Variants in TNPO3 observed in about 807,000 individuals in gnomAD.
TNPO3 encodes transportin 3.
TNPO3 carries 65 observed loss-of-function variants against 122.8 expected under a neutral mutation model. The ratio of observed to expected loss-of-function variants is 0.53; its 90% CI spans 0.43 to 0.65. The LOEUF is 0.65. Among genes scored for constraint, TNPO3 ranks in the 30% least tolerant of loss-of-function variants. TNPO3 has a pLI of 0.00. For synonymous variants in TNPO3, 372 were observed against 411.2 expected, an observed-to-expected ratio of 0.90 and a Z score of 1.15; for missense variants, 850 against 1,136.7, an observed-to-expected ratio of 0.75 and a Z score of 3.63.
upstream of TNPO3, chr7:129,055,770 C>T (rs1809404086): frequency 5.2e-6 from 2 of 381,258 alleles, no homozygotes; most frequent in Non-Finnish European, 9.5e-6. Flanking sequence ...TCTAACAATT[C>T]ACAAAAGAAA....
At chr7:129,019,765 G>A (rs1317859655) in intron 1 of TNPO3, among the ~76,000 whole-genome samples, 2 of 151,980 alleles carry the variant, frequency 1.3e-5, no homozygotes, top group Admixed American at 6.6e-5. Flanking sequence ...AGACAGAGGC[G>A]GGCAGATCAC....
rs879028913 is a variant in TNPO3, at chr7:129,054,764, C to T, written c.7G>A (p.Gly3Arg). 4 of 1,614,070 alleles carry T rather than the reference C, an allele frequency of 2.5e-6. No homozygotes were observed. Among genetic ancestry groups the T allele is most frequent in the South Asian group, 2.2e-5 (2 of 91,088 alleles). The change falls in exon 1 of 23, where the codon GGA becomes AGA. Residue 3 changes from glycine (G) to arginine (R), a missense_variant. Physicochemically the swap from Gly to Arg is moderately radical, Grantham distance 125. Transcript: ENST00000265388. ME[G>R]AKPTLQLVYQ... ...ACGAGCTGCAATGTCGGCTTTGCTCCTTCCATGGTGGTGGCGGTAGTGGCG... is the reference window on the plus strand; with the variant it reads ...ACGAGCTGCAATGTCGGCTTTGCTCTTTCCATGGTGGTGGCGGTAGTGGCG...
chr7:129,043,161 G>A (rs1807594733), intron 1 of TNPO3, among the ~76,000 whole-genome samples: 1 of 152,064 alleles, frequency 6.6e-6, no homozygotes, highest in African/African-American at 2.4e-5. Context: ...AGCACCTTGG[G>A]AGGCCAAGGT....
chr7:128,973,735 CAAAAAAA>C (rs71162544), intron 18 of TNPO3, among the ~76,000 whole-genome samples: 4 of 5,272 alleles, frequency 7.6e-4, no homozygotes, highest in African/African-American at 3.4e-3. Context: ...GACTCCGTCT[CAAAAAAA>C]AAAAAAAAAA....
chr7:129,017,812 C>T (rs1804013992), intron 2 of TNPO3, 145 bp downstream of exon 2: 5 of 750,848 alleles, frequency 6.7e-6, no homozygotes, highest in East Asian at 2.7e-5. Context: ...TTAACAATTT[C>T]GTTTTCTATC....
Position 129,026,315 on chromosome 7 carries a change from T to C in TNPO3, c.121-8158A>G, listed in dbSNP as rs181285349. Among the ~76,000 whole-genome samples, 851 of 151,036 alleles carry C rather than the reference T, an allele frequency of 5.6e-3. 4 individuals are homozygous for C. The highest frequency in any genetic ancestry group is 0.017 in the Middle Eastern group (5 of 286). On this transcript the variant is annotated intron_variant, in intron 1 of 22. Transcript: ENST00000265388. Reference sequence around the variant, plus strand: ...CCAGGCAAACCAGTAATCTTAGAGGTAGAGATGCAAAACTGGTTAACTTGG... The same window carrying C: ...CCAGGCAAACCAGTAATCTTAGAGGCAGAGATGCAAAACTGGTTAACTTGG...
intron 2 of TNPO3, among the ~76,000 whole-genome samples, chr7:129,017,571 A>G (rs1482465058): frequency 1.3e-5 from 2 of 152,210 alleles, no homozygotes; most frequent in Non-Finnish European, 2.9e-5. Context: ...AGAAGTTTCC[A>G]GTTTTCCTAT....
intron 21 of TNPO3, among the ~76,000 whole-genome samples, chr7:128,960,297 C>CT (rs1349932397): frequency 6.6e-6 from 1 of 151,846 alleles, no homozygotes; most frequent in Non-Finnish European, 1.5e-5. Context: ...CTATACTACA[C>CT]TTTTTATCAT....
At chr7:128,997,152 C>A (rs557234888) in intron 8 of TNPO3, among the ~76,000 whole-genome samples, 2 of 152,238 alleles carry the variant, frequency 1.3e-5, no homozygotes, top group Non-Finnish European at 2.9e-5. Flanking sequence ...GCCACCAGGC[C>A]CAGCTAATTT....
chr7:128,971,831 T>A (rs867415773), intron 19 of TNPO3, among the ~76,000 whole-genome samples: 47 of 152,330 alleles, frequency 3.1e-4, no homozygotes, highest in Admixed American at 1.7e-3. Flanking sequence ...ATAAAGTTAT[T>A]CCAACTCTTT....
Position 129,018,003 on chromosome 7 carries a change from G to T in TNPO3, c.275C>A (p.Thr92Asn). 6.2e-7 allele frequency: 1 copy of T among 1,614,124 alleles called. No homozygotes were observed. The highest frequency in any genetic ancestry group is 1.1e-5 in the South Asian group (1 of 91,084). ...SHASLRDSLL[T>N]HIQNLKDLSP... ...CAAGTCTTTCAAGTTCTGGATATGG[G>T]TTAGCAATGAGTCCCGTAAAGAGGC... Residue 92 changes from threonine (T) to asparagine (N), a missense_variant, in exon 2 of 23, where the codon ACC (threonine) becomes AAC (asparagine). Coordinates refer to ENST00000265388, the MANE Select transcript of TNPO3 (RefSeq NM_012470.4).
chr7:128,971,610 T>C (rs1168748169), intron 19 of TNPO3, among the ~76,000 whole-genome samples: 1 of 152,236 alleles, frequency 6.6e-6, no homozygotes, highest in Non-Finnish European at 1.5e-5. Flanking sequence ...TGCTCTCCCC[T>C]GTCTACAATT....
At chr7:128,991,499 A>C (rs1444812679) in intron 10 of TNPO3, among the ~76,000 whole-genome samples, 1 of 152,234 alleles carries the variant, frequency 6.6e-6, no homozygotes, top group Non-Finnish European at 1.5e-5. Context: ...GAATAATTTG[A>C]AATTTTTCAA....
intron 20 of TNPO3, among the ~76,000 whole-genome samples, chr7:128,967,816 T>C (rs560143633): frequency 6.6e-6 from 1 of 152,284 alleles, no homozygotes; most frequent in East Asian, 1.9e-4. Flanking sequence ...CAGGCTGGCG[T>C]GCAGTGCACT....
chr7:128,980,184 A>T (rs1480132521), intron 14 of TNPO3, among the ~76,000 whole-genome samples, 153 bp from the exon 15 acceptor site: 1 of 152,244 alleles, frequency 6.6e-6, no homozygotes, highest in African/African-American at 2.4e-5. Flanking sequence ...TTATAAGCAC[A>T]TCCTTTAAAT....
At chr7:128,993,683 C>T (rs537327315) in intron 9 of TNPO3, 124 bp downstream of exon 9, 1 of 778,728 alleles carries the variant, frequency 1.3e-6, no homozygotes, top group Admixed American at 3.0e-5. Flanking sequence ...TAGGCACTTG[C>T]ATATCTATTA....
intron 11 of TNPO3, among the ~76,000 whole-genome samples, chr7:128,988,784 A>G (rs181075972): frequency 1.3e-5 from 2 of 152,316 alleles, no homozygotes; most frequent in Non-Finnish European, 2.9e-5. Context: ...AATCACTTGG[A>G]AATAGTATGT....
intron 5 of TNPO3, 100 bp downstream of exon 5, chr7:129,004,916 C>T: frequency 8.7e-7 from 1 of 1,151,238 alleles, no homozygotes; most frequent in South Asian, 1.5e-5. Flanking sequence ...ACACGCCTTC[C>T]AGTTACTGTG....
intron 1 of TNPO3, among the ~76,000 whole-genome samples, chr7:129,021,470 AAC>A (rs900638894): frequency 2.7e-4 from 41 of 152,118 alleles, no homozygotes; most frequent in African/African-American, 9.2e-4. Flanking sequence ...CTTGAAACCA[AAC>A]AGTCAGGAAG....
Sources: allele counts gnomAD v4.1 joint callset (sites outside exome capture counted in the v4.1 genomes callset), GRCh38; gene constraint gnomAD v4.1.1; transcripts MANE v1.5; gene names NCBI Gene and HGNC (gene_info 2026-07-23, HGNC 2026-07-21).